Variants in PDE1C observed in about 807,000 individuals in gnomAD.
PDE1C encodes phosphodiesterase 1C, also known as dual specificity calcium/calmodulin-dependent 3',5'-cyclic nucleotide phosphodiesterase 1C.
A neutral mutation model predicts 93.1 loss-of-function variants in PDE1C; 62 were observed. That is an observed-to-expected ratio of 0.67 (90% confidence interval 0.54 to 0.82). The LOEUF (loss-of-function observed/expected upper bound fraction) is 0.82. Ranked by LOEUF, PDE1C falls within the 40% of genes least tolerant of loss-of-function variation. PDE1C has a pLI of 0.00. For missense variants in PDE1C, 742 were observed against 884.6 expected (o/e 0.84, Z 2.04); for synonymous variants, 325 against 310.1 (o/e 1.05, Z -0.50).
chr7:32,394,304 A>G (rs1490552729), intron 1 of PDE1C, among the ~76,000 whole-genome samples: 1 of 152,236 alleles, frequency 6.6e-6, no homozygotes, highest in African/African-American at 2.4e-5. Flanking sequence ...TGTAACAGGG[A>G]TGTCCAATTA....
At chr7:31,937,230 G>A (rs1039910342) in intron 2 of PDE1C, among the ~76,000 whole-genome samples, 6 of 146,864 alleles carry the variant, frequency 4.1e-5, no homozygotes, top group African/African-American at 7.5e-5. Flanking sequence ...TGGAAGGAGA[G>A]TCTCTATAGA....
chr7:31,828,293 T>C lies in PDE1C; in HGVS notation c.1284A>G (p.Val428=). 1 of 1,611,498 alleles carries C rather than the reference T, an allele frequency of 6.2e-7. No individual in the cohort carries two copies. The change falls in exon 12 of 18, where the codon GTA becomes GTG. Residue 428 remains valine (V), a splice_region_variant and synonymous_variant. Coordinates refer to ENST00000396191, the MANE Select transcript of PDE1C (RefSeq NM_001191057.4). ...ATCCAAAGAGCTGCAAACACGTACC[T>C]ACTTGTGACTGAGCAACCATAGTGG... ...RKSTMVAQSQ[V]GFIDFIVEPT...
intron 15 of PDE1C, among the ~76,000 whole-genome samples, chr7:31,809,479 G>A (rs1486896873): frequency 1.3e-5 from 2 of 152,000 alleles, no homozygotes; most frequent in Non-Finnish European, 2.9e-5. Context: ...AAATGGGTAT[G>A]TTAATACCTA....
intron 2 of PDE1C, among the ~76,000 whole-genome samples, chr7:31,895,991 T>TTACATACATACATACCA (rs1554399950): frequency 9.4e-5 from 14 of 148,596 alleles, no homozygotes; most frequent in African/African-American, 3.5e-4. Context: ...ACACTCTCCC[T>TTACATACATACATACCA]TACATACATA....
At chr7:32,035,121 C>T (rs1265220596) in intron 2 of PDE1C, among the ~76,000 whole-genome samples, 1 of 152,102 alleles carries the variant, frequency 6.6e-6, no homozygotes, top group Non-Finnish European at 1.5e-5. Flanking sequence ...CGAAATCCAA[C>T]CCAAAGGACA....
chr7:32,002,371 G>A (rs544329668), intron 2 of PDE1C, among the ~76,000 whole-genome samples: 31 of 152,248 alleles, frequency 2.0e-4, no homozygotes, highest in Non-Finnish European at 4.0e-4. Context: ...GAGCTGGCGG[G>A]CTGATGGCTG....
intron 3 of PDE1C, among the ~76,000 whole-genome samples, chr7:32,079,269 C>T (rs976206753): frequency 6.6e-6 from 1 of 152,200 alleles, no homozygotes; most frequent in Non-Finnish European, 1.5e-5. Flanking sequence ...TCCAGTTTTG[C>T]ACCATGGATC....
intron 2 of PDE1C, among the ~76,000 whole-genome samples, chr7:31,994,123 A>G (rs1197257303): frequency 6.6e-6 from 1 of 152,100 alleles, no homozygotes; most frequent in African/African-American, 2.4e-5. Context: ...GCCCAAGGAG[A>G]GCTGCATACA....
At chr7:32,128,906 A>ATATAT (rs1799741717) in intron 3 of PDE1C, among the ~76,000 whole-genome samples, 18 of 56,008 alleles carry the variant, frequency 3.2e-4, no homozygotes, top group African/African-American at 1.1e-3. Context: ...AAGTATAACA[A>ATATAT]ATATATATAT....
intron 2 of PDE1C, among the ~76,000 whole-genome samples, chr7:31,973,457 T>TG (rs1447759522): frequency 6.6e-6 from 1 of 152,126 alleles, no homozygotes; most frequent in Non-Finnish European, 1.5e-5. Flanking sequence ...GGAATTCATA[T>TG]GGGAAAAAGT....
At chr7:32,153,115 C>T (rs978918067) in intron 3 of PDE1C, among the ~76,000 whole-genome samples, 1 of 152,158 alleles carries the variant, frequency 6.6e-6, no homozygotes, top group Non-Finnish European at 1.5e-5. Context: ...GTAAAAATAG[C>T]CAGTGCCCAG....
At chr7:32,000,835 A>C (rs1332499077) in intron 2 of PDE1C, among the ~76,000 whole-genome samples, 2 of 152,178 alleles carry the variant, frequency 1.3e-5, no homozygotes, top group African/African-American at 4.8e-5. Context: ...CATATGGAAT[A>C]TATTTACTTT....
At chr7:31,864,563 C>T (rs10215651) in intron 7 of PDE1C, among the ~76,000 whole-genome samples, 151,359 of 152,388 alleles carry the variant, frequency 0.99, 75,170 homozygotes, top group East Asian at 1. Flanking sequence ...TTGCGTAACA[C>T]GGTTGCCAAG....
intron 3 of PDE1C, among the ~76,000 whole-genome samples, chr7:32,168,725 C>T (rs977349848): frequency 6.6e-6 from 1 of 152,148 alleles, no homozygotes; most frequent in African/African-American, 2.4e-5. Context: ...CTAATGTACT[C>T]GTCACACTGT....
chr7:32,224,718 C>T (rs908202535), intron 1 of PDE1C, among the ~76,000 whole-genome samples: 1 of 152,184 alleles, frequency 6.6e-6, no homozygotes, highest in Non-Finnish European at 1.5e-5. Context: ...ACATCTACTG[C>T]AGAAATGGGT....
intron 3 of PDE1C, among the ~76,000 whole-genome samples, chr7:32,143,214 T>C (rs531905310): frequency 1.6e-4 from 24 of 151,664 alleles, no homozygotes; most frequent in African/African-American, 5.3e-4. Flanking sequence ...CCATAGTGAG[T>C]CTTAAGTGAT....
chr7:31,776,681 ATATT>A (rs888387810), intron 16 of PDE1C, among the ~76,000 whole-genome samples: 11 of 152,130 alleles, frequency 7.2e-5, no homozygotes, highest in Non-Finnish European at 1.5e-4. Flanking sequence ...ATAAACATAA[ATATT>A]TATTTATTCA....
chr7:32,370,651 G>A (rs1224155348), intron 1 of PDE1C, among the ~76,000 whole-genome samples: 2 of 151,772 alleles, frequency 1.3e-5, no homozygotes, highest in Non-Finnish European at 2.9e-5. Context: ...GTGGGGGGAA[G>A]GGGGAGGGAT....
intron 1 of PDE1C, among the ~76,000 whole-genome samples, chr7:32,286,623 T>C (rs1812018863): frequency 6.6e-6 from 1 of 152,162 alleles, no homozygotes; most frequent in African/African-American, 2.4e-5. Context: ...GGGAAGCTGA[T>C]ACAAACACAA....
Sources: allele counts gnomAD v4.1 joint callset (sites outside exome capture counted in the v4.1 genomes callset), GRCh38; gene constraint gnomAD v4.1.1; transcripts MANE v1.5; gene names NCBI Gene and HGNC (gene_info 2026-07-23, HGNC 2026-07-21).